Variants in UMODL1 observed in about 807,000 individuals in gnomAD.
UMODL1 encodes uromodulin like 1.
UMODL1 carries 128 observed loss-of-function variants against 136.3 expected under a neutral mutation model. The observed-to-expected ratio is 0.94, with a 90% CI of 0.81 to 1.09. The LOEUF (loss-of-function observed/expected upper bound fraction) is 1.09. UMODL1 is among the 50% of genes least tolerant of loss of function. The probability of loss-of-function intolerance (pLI) is 0.00; values close to 1 mark genes in which losing one functional copy is unlikely to be tolerated. For synonymous variants in UMODL1, 721 were observed against 720.0 expected (o/e 1.00, Z -0.02); for missense variants, 1,766 against 1,725.6 (o/e 1.02, Z -0.41).
chr21:42,065,031 CTCTT>C (rs2066171934), intron 1 of UMODL1, among the ~76,000 whole-genome samples: 2 of 152,218 alleles, frequency 1.3e-5, no homozygotes, highest in Admixed American at 6.5e-5. Context: ...TACACCTTCT[CTCTT>C]TTCCTCTTAA....
intron 2 of UMODL1, 129 bp downstream of exon 2, chr21:42,076,376 A>C: frequency 6.9e-7 from 1 of 1,446,188 alleles, no homozygotes; most frequent in Non-Finnish European, 9.4e-7. Context: ...CCCAGCCTTG[A>C]CCAGGCAGCA....
chr21:42,123,363 G>A lies in UMODL1; in HGVS notation c.3147+213G>A, dbSNP rs1404565756. Reference sequence around the variant, plus strand: ...GAGTCCACCCAGGAGGGACTCTGGTGCAGAGTGCTGGGGCAGGCTTCAGAG... The same window carrying A: ...GAGTCCACCCAGGAGGGACTCTGGTACAGAGTGCTGGGGCAGGCTTCAGAG... On this transcript the variant is annotated intron_variant, in intron 17 of 22. Coordinates refer to ENST00000408910, the MANE Select transcript of UMODL1 (RefSeq NM_001004416.3). This position sits in a 1 kb window ranked among gnomAD's most constrained non-coding sequence, Gnocchi z 4.4. Among the ~76,000 whole-genome samples the A allele has an allele frequency of 2.6e-5, 4 of 152,228 alleles. No homozygotes were observed. The highest frequency in any genetic ancestry group is 5.9e-5 in the Non-Finnish European group (4 of 68,036).
At chr21:42,137,762 A>T in intron 22 of UMODL1, 121 bp downstream of exon 22, 1 of 1,128,184 alleles carries the variant, frequency 8.9e-7, no homozygotes, top group South Asian at 1.5e-5. Flanking sequence ...GGCTGACAGG[A>T]AGGTGGGTGT....
chr21:42,102,225 C>G lies in UMODL1; in HGVS notation c.1246C>G (p.Leu416Val), dbSNP rs1183082789. The G allele has an allele frequency of 4.3e-6, 7 of 1,613,890 alleles. No homozygotes were observed. The highest frequency in any genetic ancestry group is 5.9e-6 in the Non-Finnish European group (7 of 1,179,880). ...AAACCACAACCTGACGGAGAAGTTA[C>G]TCAACCGCAGCAGTGTGGAGTACCA... ...IVNHNLTEKL[L>V]NRSSVEYQDF... The change falls in exon 8 of 23, where the codon CTC (leucine) becomes GTC (valine). Residue 416 changes from leucine (L) to valine (V), a missense_variant. By Grantham distance (32) the Leu-to-Val change is conservative (BLOSUM62 1). Transcript: ENST00000408910.
intron 4 of UMODL1, 47 bp from the exon 5 acceptor site, chr21:42,088,247 G>A: frequency 1.3e-6 from 2 of 1,587,942 alleles, no homozygotes; most frequent in Non-Finnish European, 1.7e-6. Flanking sequence ...TCGTCTGTCT[G>A]ACGGGGTGTC....
At chr21:42,124,324 T>C (rs2067022309) in intron 17 of UMODL1, among the ~76,000 whole-genome samples, 1 of 152,016 alleles carries the variant, frequency 6.6e-6, no homozygotes, top group South Asian at 2.1e-4. Flanking sequence ...GGAAGCTGCC[T>C]GGAGGGGCCG....
chr21:42,073,666 A>G (rs2066256696), intron 1 of UMODL1, among the ~76,000 whole-genome samples: 1 of 152,112 alleles, frequency 6.6e-6, no homozygotes, highest in African/African-American at 2.4e-5. Flanking sequence ...TGGGGTGAGT[A>G]ACAAGCCCCT....
Position 42,119,145 on chromosome 21 carries a change from A to G in UMODL1, c.2510A>G (p.His837Arg), listed in dbSNP as rs757659565. The G allele has an allele frequency of 2.5e-6, 4 of 1,613,744 alleles. No individual in the cohort carries two copies. Among genetic ancestry groups the G allele is most frequent in the Non-Finnish European group, 2.5e-6 (3 of 1,179,944 alleles). The change falls in exon 15 of 23, where the codon CAC becomes CGC. Residue 837 changes from histidine to arginine, a missense_variant. Transcript: ENST00000408910. ...TCCCTGCCAGCCACCATGTGTCAGC[A>G]CATGGACGCTGGTGGGGTCAGGATG... ...RGSLPATMCQ[H>R]MDAGGVRMEV...
chr21:42,067,526 G>T (rs896138092), upstream of UMODL1, among the ~76,000 whole-genome samples: 3 of 152,220 alleles, frequency 2.0e-5, no homozygotes, highest in Non-Finnish European at 2.9e-5. Context: ...CTGTCCAGCC[G>T]TTGGCAGAAC....
intron 18 of UMODL1, among the ~76,000 whole-genome samples, chr21:42,126,770 A>G (rs1601269526): frequency 6.6e-6 from 1 of 152,096 alleles, no homozygotes; most frequent in Non-Finnish European, 1.5e-5. Flanking sequence ...CACTTTTTCT[A>G]TAATGGACCC....
chr21:42,103,662 C>T (rs781559183), intron 8 of UMODL1: 15 of 698,372 alleles, frequency 2.1e-5, no homozygotes, highest in South Asian at 1.9e-4. Context: ...ACACACCAGG[C>T]CAGGCCCGGC....
chr21:42,111,748 T>C, intron 12 of UMODL1, 38 bp downstream of exon 12: 1 of 1,552,704 alleles, frequency 6.4e-7, no homozygotes, highest in Non-Finnish European at 8.7e-7. Context: ...CTAGGACTAA[T>C]AGGACCCATA....
Position 42,085,542 on chromosome 21 carries a change from G to C in UMODL1, c.603+130G>C. 1 of 1,382,444 alleles carries C rather than the reference G, an allele frequency of 7.2e-7. No homozygotes were observed. Among genetic ancestry groups the C allele is most frequent in the Non-Finnish European group, 9.9e-7 (1 of 1,008,916 alleles). 85.6% of individuals were successfully genotyped at this position (1,382,444 alleles called of 1,614,324 possible). The stretch of plus-strand genomic sequence containing the variant: ...GTTCCCCAAATGGCCCCAAATGACT[G>C]ACTCTGAACGAAATTCTAGTTCTTA... On this transcript the variant is annotated intron_variant, in intron 4 of 22. Transcript: ENST00000408910. This position sits in a 1 kb window ranked among gnomAD's most constrained non-coding sequence, Gnocchi z 4.5.
In UMODL1 at chr21:42,117,093, A is replaced by C. The variant is rs1168994664; in HGVS notation, c.2475+1108A>C. On this transcript the variant is annotated intron_variant, in intron 14 of 22. Coordinates refer to ENST00000408910, the MANE Select transcript of UMODL1 (RefSeq NM_001004416.3). Reference sequence around the variant, plus strand: ...CCCATCTCAAAAACAGAAAAAAAAAAGTCACTCCCTCTCGCCACTTCCTCC... The same window carrying C: ...CCCATCTCAAAAACAGAAAAAAAAACGTCACTCCCTCTCGCCACTTCCTCC... Among the ~76,000 whole-genome samples the C allele has an allele frequency of 5.3e-5, 8 of 151,948 alleles. 1 individual carries two copies. Among genetic ancestry groups the C allele is most frequent in the Non-Finnish European group, 1.2e-4 (8 of 67,952 alleles).
chr21:42,089,142 A>C (rs2066461739), intron 5 of UMODL1, among the ~76,000 whole-genome samples: 1 of 152,160 alleles, frequency 6.6e-6, no homozygotes, highest in African/African-American at 2.4e-5. Flanking sequence ...CTGTTGTAGT[A>C]GTCACAGACA....
chr21:42,089,559 A>G (rs2146449242), intron 5 of UMODL1, among the ~76,000 whole-genome samples: 1 of 152,314 alleles, frequency 6.6e-6, no homozygotes, highest in South Asian at 2.1e-4. Flanking sequence ...AGATTGTTAG[A>G]AAGAACCTGT....
At chr21:42,098,220 A>G (rs1301275569) in intron 6 of UMODL1, among the ~76,000 whole-genome samples, 1 of 152,170 alleles carries the variant, frequency 6.6e-6, no homozygotes, top group Non-Finnish European at 1.5e-5. Context: ...TCCGGATCCC[A>G]GAGAGCCCCA....
At chr21:42,067,328 C>T (rs1014928791), upstream of UMODL1, among the ~76,000 whole-genome samples, 3 of 152,118 alleles carry the variant, frequency 2.0e-5, no homozygotes, top group African/African-American at 7.2e-5. Context: ...CATTTAATGA[C>T]AATAAGTGAT....
intron 2 of UMODL1, among the ~76,000 whole-genome samples, chr21:42,076,616 G>A (rs578045454): frequency 2.0e-5 from 3 of 152,312 alleles, no homozygotes; most frequent in African/African-American, 7.2e-5. Context: ...GGCCCGGGGC[G>A]TTGAGAGAGT....
Sources: allele counts gnomAD v4.1 joint callset (sites outside exome capture counted in the v4.1 genomes callset), GRCh38; gene constraint gnomAD v4.1.1; non-coding constraint Gnocchi (gnomAD v3.1); transcripts MANE v1.5; gene names NCBI Gene and HGNC (gene_info 2026-07-23, HGNC 2026-07-21).